PIK3R4: variants seen among roughly 807,000 people sequenced by gnomAD.
PIK3R4 encodes the protein phosphoinositide-3-kinase regulatory subunit 4, also known as phosphoinositide 3-kinase regulatory subunit 4.
PIK3R4 carries 46 observed loss-of-function variants against 136.5 expected under a neutral mutation model. The ratio of observed to expected loss-of-function variants is 0.34; its 90% CI spans 0.27 to 0.43. PIK3R4 has a LOEUF of 0.43. Among genes scored for constraint, PIK3R4 ranks in the 20% least tolerant of loss-of-function variants. The probability of loss-of-function intolerance (pLI) is 1.00; values close to 1 mark genes in which losing one functional copy is unlikely to be tolerated. For missense variants in PIK3R4, 1,331 were observed against 1,649.5 expected, an observed-to-expected ratio of 0.81 and a Z score of 3.35; for synonymous variants, 557 against 566.7, an observed-to-expected ratio of 0.98 and a Z score of 0.24.
In PIK3R4 at chr3:130,690,614, T is replaced by C; in HGVS notation, c.3139A>G (p.Thr1047Ala). Reference sequence around the variant, plus strand: ...TGGGAGCCTTGGCAGAATGTGAGCGTCTTGACTCGTCCTCCAATTCGGCTG... The same window carrying C: ...TGGGAGCCTTGGCAGAATGTGAGCGCCTTGACTCGTCCTCCAATTCGGCTG... ...TYSRIGGRVK[T>A]LTFCQGSHYL... Residue 1047 changes from threonine to alanine, a missense_variant, in exon 14 of 20, where the codon ACG becomes GCG. Physicochemically the swap from Thr to Ala is moderately conservative, Grantham distance 58. This residue lies in a region of PIK3R4 where 1,180 missense variants were observed against 1,407.0 expected (regional missense o/e 0.84). Transcript: ENST00000356763. 1 of 1,611,306 alleles carries C rather than the reference T, an allele frequency of 6.2e-7. No homozygotes were observed. Among genetic ancestry groups the C allele is most frequent in the East Asian group, 2.2e-5 (1 of 44,840 alleles).
intron 13 of PIK3R4, among the ~76,000 whole-genome samples, chr3:130,690,894 C>CTTTTT (rs1247659280): frequency 1.5e-5 from 2 of 131,884 alleles, no homozygotes; most frequent in East Asian, 2.1e-4. Flanking sequence ...TCCTTCTCCT[C>CTTTTT]TTTTTTTTTT....
chr3:130,709,788 T>C (rs1283162341), intron 9 of PIK3R4, among the ~76,000 whole-genome samples: 1 of 152,154 alleles, frequency 6.6e-6, no homozygotes, highest in Non-Finnish European at 1.5e-5. Context: ...GGCCACATAT[T>C]GCATGATTCC....
intron 3 of PIK3R4, 93 bp downstream of exon 3, chr3:130,735,776 C>A (rs2066782629): frequency 1.7e-6 from 2 of 1,173,960 alleles, no homozygotes; most frequent in African/African-American, 1.5e-5. Flanking sequence ...CTGCTTGATT[C>A]CAAATTTACA....
intron 7 of PIK3R4, among the ~76,000 whole-genome samples, chr3:130,720,440 C>T (rs754977777): frequency 2.6e-5 from 4 of 152,204 alleles, no homozygotes; most frequent in Non-Finnish European, 4.4e-5. Flanking sequence ...GGTGATCCGC[C>T]TGCCTTGGCC....
intron 9 of PIK3R4, among the ~76,000 whole-genome samples, chr3:130,711,522 A>C (rs1287701463): frequency 2.0e-5 from 3 of 152,212 alleles, no homozygotes; most frequent in African/African-American, 4.8e-5. Context: ...TCTTTGGCTG[A>C]ATATGAAACT....
At chr3:130,680,456 A>AAGTT (rs2066451064) in intron 19 of PIK3R4, 157 bp downstream of exon 19, 1 of 490,096 alleles carries the variant, frequency 2.0e-6, no homozygotes, top group Non-Finnish European at 3.6e-6. Flanking sequence ...ACCTTAATAA[A>AAGTT]AGTTAATTTT....
chr3:130,698,576 T>C (rs1385342582), intron 13 of PIK3R4, among the ~76,000 whole-genome samples: 4 of 152,190 alleles, frequency 2.6e-5, no homozygotes, highest in African/African-American at 9.6e-5. Flanking sequence ...TCTATTTGGT[T>C]AGACACTGTT....
In PIK3R4 at chr3:130,679,454, C is replaced by G. The variant is rs111650637; in HGVS notation, c.3938G>C (p.Ser1313Thr). ...TGGGCCCCTTCGAGGGGTGTCATCA[C>G]TTGGTCCTACTTTCTGCTTATTCTG... ...EIQNKQKVGPSDDTPRRGPES... is the reference protein window; with the variant it reads ...EIQNKQKVGPTDDTPRRGPES... The change falls in exon 20 of 20, where the codon AGT (serine) becomes ACT (threonine). Residue 1313 changes from serine (S) to threonine (T), a missense_variant. Physicochemically the swap from Ser to Thr is moderately conservative, Grantham distance 58. This residue lies in a region of PIK3R4 where 1,180 missense variants were observed against 1,407.0 expected (regional missense o/e 0.84). Transcript: ENST00000356763. 1.6e-3 allele frequency: 2,589 copies of G among 1,612,052 alleles called. 34 individuals are homozygous for G. The African/African-American group carries it at 0.029, about 18-fold the overall frequency.
intron 2 of PIK3R4, among the ~76,000 whole-genome samples, chr3:130,742,590 T>A (rs764534837): frequency 6.6e-6 from 1 of 152,238 alleles, no homozygotes; most frequent in African/African-American, 2.4e-5. Context: ...CTCAGTATTA[T>A]CTTGGGACAC....
intron 16 of PIK3R4, among the ~76,000 whole-genome samples, chr3:130,682,798 T>G (rs2066467123): frequency 6.6e-6 from 1 of 152,156 alleles, no homozygotes; most frequent in Non-Finnish European, 1.5e-5. Context: ...CTACCTTGAG[T>G]GTGCTACTGT....
chr3:130,719,133 T>C (rs1248533574), intron 7 of PIK3R4, among the ~76,000 whole-genome samples: 4 of 152,182 alleles, frequency 2.6e-5, no homozygotes, highest in African/African-American at 9.6e-5. Context: ...GAAAACATGA[T>C]ACCTATTCTT....
chr3:130,745,524 T>G (rs2066847621), intron 1 of PIK3R4, among the ~76,000 whole-genome samples: 2 of 152,366 alleles, frequency 1.3e-5, no homozygotes, highest in Admixed American at 1.3e-4. Context: ...TTCCAGGAGC[T>G]GAACTATATT....
chr3:130,692,636 A>G (rs2066525274), intron 13 of PIK3R4, among the ~76,000 whole-genome samples: 1 of 152,206 alleles, frequency 6.6e-6, no homozygotes, highest in South Asian at 2.1e-4. Context: ...CCTTTTGGCT[A>G]TTATGAATAA....
intron 7 of PIK3R4, among the ~76,000 whole-genome samples, chr3:130,719,223 C>T (rs971582440): frequency 1.3e-5 from 2 of 152,036 alleles, no homozygotes; most frequent in Non-Finnish European, 2.9e-5. Context: ...ATGTATTAAA[C>T]ATAAAATCAA....
At chr3:130,745,656 T>C (rs141225531) in intron 1 of PIK3R4, among the ~76,000 whole-genome samples, 40 of 152,342 alleles carry the variant, frequency 2.6e-4, no homozygotes, top group African/African-American at 9.1e-4. Flanking sequence ...CTATGAGAAT[T>C]ACAAAGTTAC....
chr3:130,714,743 C>A (rs78696057), intron 9 of PIK3R4, among the ~76,000 whole-genome samples: 31,242 of 151,964 alleles, frequency 0.21, 3,465 homozygotes, highest in South Asian at 0.36. Context: ...ATGATGGCTT[C>A]CAGTTTCATC....
chr3:130,690,803 G>C, intron 13 of PIK3R4, 149 bp from the exon 14 acceptor site: 2 of 529,874 alleles, frequency 3.8e-6, no homozygotes, highest in Non-Finnish European at 6.6e-6. Context: ...CCTCTCAAAA[G>C]AACTGTTACA....
chr3:130,733,716 C>T lies in PIK3R4; in HGVS notation c.1282G>A (p.Asp428Asn), dbSNP rs1226649092. ...TCAGCCCTCACCCTAGGAACAGAGTCATTGCTGAAATGCAAAAGATATGGA... is the reference window on the plus strand; with the variant it reads ...TCAGCCCTCACCCTAGGAACAGAGTTATTGCTGAAATGCAAAAGATATGGA... ...ITPYLLHFSNDSVPRVRAEAL... is the reference protein window; with the variant it reads ...ITPYLLHFSNNSVPRVRAEAL... The change falls in exon 4 of 20, where the codon GAC (aspartate) becomes AAC (asparagine). Residue 428 changes from aspartate (D) to asparagine (N), a missense_variant. This residue lies in a region of PIK3R4 where 1,180 missense variants were observed against 1,407.0 expected (regional missense o/e 0.84). Coordinates refer to ENST00000356763, the MANE Select transcript of PIK3R4 (RefSeq NM_014602.3). 6 of 1,614,122 alleles carry T rather than the reference C, an allele frequency of 3.7e-6. No homozygotes were observed. Among genetic ancestry groups the T allele is most frequent in the Non-Finnish European group, 5.1e-6 (6 of 1,179,986 alleles).
intron 1 of PIK3R4, among the ~76,000 whole-genome samples, chr3:130,745,681 C>G (rs540834557): frequency 4.7e-4 from 72 of 152,288 alleles, no homozygotes; most frequent in African/African-American, 1.6e-3. Context: ...TGACATAGTT[C>G]TTGTCCAAGA....
Sources: gnomAD v4.1 joint callset for allele counts (sites outside exome capture counted in the v4.1 genomes callset) on GRCh38, gnomAD v4.1.1 for gene constraint, gnomAD v4.1.1 regional missense constraint, MANE v1.5 for transcripts, NCBI Gene and HGNC (gene_info 2026-07-23, HGNC 2026-07-21) for gene names.